The following UGT1A8 variants were observed in gnomAD, a reference collection of about 807,000 sequenced individuals.
The protein encoded by UGT1A8 is UDP-glucuronosyltransferase 1A8.
A neutral mutation model predicts 45.3 loss-of-function variants in UGT1A8; 39 were observed. The ratio of observed to expected loss-of-function variants is 0.86; its 90% CI spans 0.67 to 1.12. The LOEUF (loss-of-function observed/expected upper bound fraction) is 1.12. Ranked by LOEUF, UGT1A8 falls within the 50% of genes most tolerant of loss-of-function variation. The pLI, the probability that UGT1A8 is intolerant of heterozygous loss-of-function variation, is 0.00. For missense variants in UGT1A8, 719 were observed against 664.9 expected (o/e 1.08, Z -0.90); for synonymous variants, 275 against 249.2 (o/e 1.10, Z -0.97).
chr2:233,728,804 G>A (rs2077751761), intron 1 of UGT1A8, among the ~76,000 whole-genome samples: 1 of 152,198 alleles, frequency 6.6e-6, no homozygotes, highest in African/African-American at 2.4e-5. Context: ...AGAAGTAGGA[G>A]ACAGTGACAT....
chr2:233,768,814 C>T (rs1699733347), intron 4 of UGT1A8, among the ~76,000 whole-genome samples: 1 of 152,052 alleles, frequency 6.6e-6, no homozygotes, highest in African/African-American at 2.4e-5. Context: ...GAACTCCTGA[C>T]TTCAGGTGAT....
rs2072936234 is a variant in UGT1A8 at position 233,618,079 on chromosome 2, C to T, written c.372C>T (p.Cys124=). ...TTTTTAACTTATTTTTTTCGCATTG[C>T]AGGAGTTTGTTTAATGACCGAAAAT... ...NGFFNLFFSH[C]RSLFNDRKLV... Residue 124 remains cysteine (C), a synonymous_variant, in exon 1 of 5, where the codon TGC becomes TGT. Coordinates refer to ENST00000373450, the MANE Select transcript of UGT1A8 (RefSeq NM_019076.5). 8 of 1,613,876 alleles carry T rather than the reference C, an allele frequency of 5.0e-6. No individual in the cohort carries two copies. The highest frequency in any genetic ancestry group is 6.8e-6 in the Non-Finnish European group (8 of 1,179,996).
intron 1 of UGT1A8, among the ~76,000 whole-genome samples, chr2:233,745,444 A>G (rs1693107566): frequency 6.6e-6 from 1 of 151,758 alleles, no homozygotes; most frequent in Non-Finnish European, 1.5e-5. Flanking sequence ...ATACACTAGT[A>G]AAGGTCACTC....
chr2:233,763,341 T>C (rs1156611161), intron 1 of UGT1A8, among the ~76,000 whole-genome samples: 2 of 152,260 alleles, frequency 1.3e-5, no homozygotes, highest in African/African-American at 4.8e-5. Context: ...TACATTTCCC[T>C]AGCACATCTT....
Position 233,737,292 on chromosome 2 carries a change from G to A in UGT1A8, c.856-29742G>A, listed in dbSNP as rs573133918. On this transcript the variant is annotated intron_variant, in intron 1 of 4. Transcript: ENST00000373450. ...ACACCCCTCACCCAGCCAGGCTGCC[G>A]CCTCACAGTTCAATCTCAGACTGCT... Among the ~76,000 whole-genome samples, 15 of 152,312 alleles carry A rather than the reference G, an allele frequency of 9.8e-5. No homozygotes were observed. The East Asian group carries it at 1.7e-3, about 18-fold the overall frequency.
At chr2:233,768,504 G>GA in intron 4 of UGT1A8, 65 bp downstream of exon 4, 1 of 1,558,444 alleles carries the variant, frequency 6.4e-7, no homozygotes. Flanking sequence ...TTTCAAATAT[G>GA]AAAACATTTA....
Position 233,617,728 on chromosome 2 carries a change from C to G in UGT1A8, c.21C>G (p.Thr7=). 1 of 1,613,820 alleles carries G rather than the reference C, an allele frequency of 6.2e-7. No individual in the cohort carries two copies. Among genetic ancestry groups the G allele is most frequent in the Non-Finnish European group, 8.5e-7 (1 of 1,179,878 alleles). ...CTCTCATGGCTCGCACAGGGTGGAC[C>G]AGCCCCATTCCCCTATGTGTTTCTC... MARTGW[T]SPIPLCVSLL... is the part of the protein sequence containing the mutation. Residue 7 remains threonine (T), a synonymous_variant, in exon 1 of 5, where the codon ACC becomes ACG. Transcript: ENST00000373450.
intron 1 of UGT1A8, chr2:233,747,103 T>G: frequency 7.3e-7 from 1 of 1,362,910 alleles, no homozygotes. Context: ...TATCTTCCAA[T>G]TACATGATGA....
chr2:233,749,922 T>G (rs1694307540), intron 1 of UGT1A8, among the ~76,000 whole-genome samples: 2 of 151,936 alleles, frequency 1.3e-5, no homozygotes, highest in South Asian at 4.1e-4. Context: ...GTGAGTCAAT[T>G]AAAGCTCTTT....
chr2:233,740,000 CTAAG>C (rs1449995031), intron 1 of UGT1A8, among the ~76,000 whole-genome samples: 3 of 151,814 alleles, frequency 2.0e-5, no homozygotes, highest in Non-Finnish European at 4.4e-5. Context: ...TCTTGTCATA[CTAAG>C]TGAGTTCTCA....
At chr2:233,768,026 TG>T (rs1699551071) in intron 3 of UGT1A8, 90 bp downstream of exon 3, 2 of 1,613,156 alleles carry the variant, frequency 1.2e-6, no homozygotes, top group Non-Finnish European at 1.7e-6. Context: ...TTGTTGAGCT[TG>T]AAAATATTAT....
chr2:233,632,469 A>G (rs921871142), intron 1 of UGT1A8, among the ~76,000 whole-genome samples: 4 of 152,326 alleles, frequency 2.6e-5, no homozygotes, highest in African/African-American at 7.2e-5. Context: ...ATCCATGAGC[A>G]TGGAATGATT....
chr2:233,633,414 A>C (rs1392596694), intron 1 of UGT1A8, among the ~76,000 whole-genome samples: 4 of 152,222 alleles, frequency 2.6e-5, no homozygotes, highest in Non-Finnish European at 5.9e-5. Flanking sequence ...CCTCTGGTAG[A>C]GTTCGGCTGT....
intron 1 of UGT1A8, among the ~76,000 whole-genome samples, chr2:233,689,402 A>G (rs1410123312): frequency 1.3e-5 from 2 of 152,232 alleles, no homozygotes; most frequent in African/African-American, 2.4e-5. Context: ...TATACTTGAG[A>G]CCCAATCTCT....
At position 233,631,900 on chromosome 2, in the gene UGT1A8, G is replaced by A. The variant is rs992917835; in HGVS notation, c.855+13338G>A. ...TTGCTTTTGGTGTTTTAGTTATGAA[G>A]TCTTTGCCCATGCCTATTTCCTGAA... On this transcript the variant is annotated intron_variant, in intron 1 of 4. Coordinates refer to ENST00000373450, the MANE Select transcript of UGT1A8 (RefSeq NM_019076.5). 3.3e-5 allele frequency among the ~76,000 whole-genome samples: 5 copies of A among 152,268 alleles called. No homozygotes were observed. The South Asian group carries it at 1.0e-3, about 32-fold the overall frequency.
rs777947055 is a variant in UGT1A8 at position 233,719,057 on chromosome 2, C to G, written c.856-47977C>G. The G allele has an allele frequency of 2.1e-5, 34 of 1,614,154 alleles. No homozygotes were observed. In the Admixed American group the frequency reaches 2.3e-4, roughly 11 times the overall value. On this transcript the variant is annotated intron_variant, in intron 1 of 4. Transcript: ENST00000373450. ...AAGAGAAATTTTTCACCCTGACAGC[C>G]TATGCTGTTCCATGGACCCAGAAGG...
chr2:233,734,728 G>A (rs893989156), intron 1 of UGT1A8, among the ~76,000 whole-genome samples: 13 of 150,534 alleles, frequency 8.6e-5, no homozygotes, highest in African/African-American at 3.2e-4. Flanking sequence ...TGTTCTCGTC[G>A]GTTTCAAAGA....
intron 1 of UGT1A8, among the ~76,000 whole-genome samples, chr2:233,644,733 G>A (rs2073553948): frequency 2.6e-5 from 4 of 152,110 alleles, no homozygotes; most frequent in Admixed American, 2.6e-4. Context: ...CACCGCCACT[G>A]TGGGTTCAGG....
chr2:233,767,741 T>TA (rs1481527437), intron 2 of UGT1A8, 108 bp from the exon 3 acceptor site: 1 of 1,582,034 alleles, frequency 6.3e-7, no homozygotes, highest in Non-Finnish European at 8.6e-7. Context: ...CCCACTCTGT[T>TA]AAAGACTGTT....
Sources: allele counts gnomAD v4.1 joint callset (sites outside exome capture counted in the v4.1 genomes callset), GRCh38; gene constraint gnomAD v4.1.1; transcripts MANE v1.5; gene names NCBI Gene and HGNC (gene_info 2026-07-23, HGNC 2026-07-21).